Variants in KATNBL1 observed in about 807,000 individuals in gnomAD.
KATNBL1 encodes the protein KATNB1-like protein 1.
A neutral mutation model predicts 44.7 loss-of-function variants in KATNBL1; 28 were observed. The ratio of observed to expected loss-of-function variants is 0.63; its 90% CI spans 0.46 to 0.86. The LOEUF is 0.86. KATNBL1 is among the 40% of genes least tolerant of loss of function. KATNBL1 has a pLI of 0.00. For synonymous variants in KATNBL1, 78 were observed against 114.9 expected (o/e 0.68, Z 2.06); for missense variants, 272 against 350.7 (o/e 0.78, Z 1.79).
At chr15:34,191,713 C>T (rs1301570238) in intron 1 of KATNBL1, among the ~76,000 whole-genome samples, 1 of 151,724 alleles carries the variant, frequency 6.6e-6, no homozygotes, top group Admixed American at 6.6e-5. Flanking sequence ...TTTGGGAGGC[C>T]GAGGTGGGCG....
At chr15:34,201,395 T>C (rs1343181586) in intron 1 of KATNBL1, among the ~76,000 whole-genome samples, 2 of 152,196 alleles carry the variant, frequency 1.3e-5, no homozygotes, top group Non-Finnish European at 2.9e-5. Flanking sequence ...TGAGAGAAAC[T>C]GGGGACAAAA....
intron 1 of KATNBL1, among the ~76,000 whole-genome samples, chr15:34,180,905 C>A (rs919759944): frequency 1.3e-5 from 2 of 152,012 alleles, no homozygotes; most frequent in African/African-American, 2.4e-5. Context: ...CCAAAAAAAA[C>A]CAAACCAAAG....
Position 34,200,422 on chromosome 15 carries a change from G to T in KATNBL1, c.-15+9529C>A, listed in dbSNP as rs1199349257. Among the ~76,000 whole-genome samples the T allele has an allele frequency of 1.5e-4, 22 of 146,946 alleles. 1 individual carries two copies. The East Asian group carries it at 3.0e-3, about 20-fold the overall frequency. ...TGCGTGCCACCACGCCCAGCTAATT[G>T]TTTTTTTTTTTTGTATTTTTAGTAG... On this transcript the variant is annotated intron_variant, in intron 1 of 9. Transcript: ENST00000256544.
At chr15:34,204,891 GACTT>G (rs1890253012) in intron 1 of KATNBL1, among the ~76,000 whole-genome samples, 1 of 151,950 alleles carries the variant, frequency 6.6e-6, no homozygotes, top group African/African-American at 2.4e-5. Flanking sequence ...AGACAAAATA[GACTT>G]ACTGAGAAAC....
chr15:34,178,214 C>A (rs1889394588), intron 1 of KATNBL1, among the ~76,000 whole-genome samples: 1 of 152,092 alleles, frequency 6.6e-6, no homozygotes, highest in Non-Finnish European at 1.5e-5. Flanking sequence ...TCCGAATAAC[C>A]AACTTTAAAC....
At chr15:34,170,298 G>C (rs2140943799) in intron 1 of KATNBL1, among the ~76,000 whole-genome samples, 1 of 152,196 alleles carries the variant, frequency 6.6e-6, no homozygotes, top group Non-Finnish European at 1.5e-5. Flanking sequence ...ACCAATAACA[G>C]ACAAACAGAG....
chr15:34,162,356 G>A (rs1351054020), intron 2 of KATNBL1, among the ~76,000 whole-genome samples: 6 of 152,166 alleles, frequency 3.9e-5, no homozygotes, highest in Admixed American at 3.3e-4. Context: ...TCATTCTCTC[G>A]TCTGCTGCCA....
intron 9 of KATNBL1, 157 bp downstream of exon 9, chr15:34,145,241 C>T: frequency 1.4e-6 from 2 of 1,404,878 alleles, no homozygotes; most frequent in Non-Finnish European, 1.9e-6. Context: ...GTCACAGTTA[C>T]ACGCAGAGGA....
intron 9 of KATNBL1, chr15:34,143,075 T>C: frequency 8.4e-7 from 1 of 1,192,292 alleles, no homozygotes; most frequent in Non-Finnish European, 1.1e-6. Context: ...TGTAAGAAAG[T>C]CTCATCATAA....
intron 1 of KATNBL1, among the ~76,000 whole-genome samples, chr15:34,169,127 C>A (rs1033213237): frequency 3.3e-5 from 5 of 151,634 alleles, no homozygotes; most frequent in African/African-American, 4.8e-5. Context: ...AAAAACCCTT[C>A]AAAAAAAATC....
intron 8 of KATNBL1, 50 bp downstream of exon 8, chr15:34,146,711 C>T: frequency 1.9e-6 from 2 of 1,043,052 alleles, no homozygotes. Flanking sequence ...AATCAAGCTG[C>T]TTTCCTGAAG....
At chr15:34,203,959 C>T (rs947016801) in intron 1 of KATNBL1, among the ~76,000 whole-genome samples, 5 of 149,906 alleles carry the variant, frequency 3.3e-5, no homozygotes, top group African/African-American at 9.8e-5. Flanking sequence ...CAGCAAACCA[C>T]CATGGTATGT....
Position 34,181,801 on chromosome 15 carries a change from TATATACATATATACATGTCC to T in KATNBL1, c.-14-18131_-14-18112del, listed in dbSNP as rs1195521889. On this transcript the variant is annotated intron_variant, in intron 1 of 9. Transcript: ENST00000256544. ...ATATATGTCCATATATATATCCATA[TATATACATATATACATGTCC>T]ATATATATCCATATATATACACATA... 3.8e-5 allele frequency among the ~76,000 whole-genome samples: 3 copies of T among 79,390 alleles called. 1 individual carries two copies. Among genetic ancestry groups the T allele is most frequent in the African/African-American group, 6.9e-5 (1 of 14,452 alleles). The allele number at this position is 79,390 out of a possible 152,430, so 52.1% of individuals were successfully genotyped here. A position where few individuals can be genotyped will look rare whatever the true frequency, so the allele number is the denominator to read the frequency against.
At chr15:34,167,144 T>C (rs1473005535) in intron 1 of KATNBL1, among the ~76,000 whole-genome samples, 2 of 152,092 alleles carry the variant, frequency 1.3e-5, no homozygotes, top group Admixed American at 6.6e-5. Context: ...AATAACAAAC[T>C]TCTCCAAGCT....
At chr15:34,196,613 A>G (rs535841822) in intron 1 of KATNBL1, among the ~76,000 whole-genome samples, 3 of 152,076 alleles carry the variant, frequency 2.0e-5, no homozygotes, top group African/African-American at 7.2e-5. Context: ...CTGTAATCCC[A>G]GCTACTCGGG....
intron 1 of KATNBL1, among the ~76,000 whole-genome samples, chr15:34,200,305 T>G (rs982770933): frequency 6.6e-6 from 1 of 151,918 alleles, no homozygotes; most frequent in African/African-American, 2.4e-5. Flanking sequence ...CAGGCTGGAG[T>G]GCAGTGGCGC....
chr15:34,189,483 G>A (rs1431433558), intron 1 of KATNBL1, among the ~76,000 whole-genome samples: 1 of 152,092 alleles, frequency 6.6e-6, no homozygotes, highest in Non-Finnish European at 1.5e-5. Flanking sequence ...AAAGTTTGAG[G>A]CAAAAAGACT....
At chr15:34,185,259 T>A (rs896315320) in intron 1 of KATNBL1, among the ~76,000 whole-genome samples, 1 of 152,226 alleles carries the variant, frequency 6.6e-6, no homozygotes, top group African/African-American at 2.4e-5. Context: ...CATGCACCAC[T>A]GTGCTGGCCT....
intron 1 of KATNBL1, among the ~76,000 whole-genome samples, chr15:34,170,486 C>A (rs1889125676): frequency 2.0e-5 from 3 of 152,276 alleles, no homozygotes; most frequent in Non-Finnish European, 4.4e-5. Flanking sequence ...TAGGAAGAAT[C>A]AATATCGTGA....
Sources: gnomAD v4.1 joint callset for allele counts (sites outside exome capture counted in the v4.1 genomes callset) on GRCh38, gnomAD v4.1.1 for gene constraint, MANE v1.5 for transcripts, NCBI Gene and HGNC (gene_info 2026-07-23, HGNC 2026-07-21) for gene names.